NUF2: variants seen among roughly 807,000 people sequenced by gnomAD.
The protein encoded by NUF2 is NUF2 component of NDC80 kinetochore complex, also known as kinetochore protein Nuf2.
NUF2 carries 34 observed loss-of-function variants against 61.8 expected under a neutral mutation model. That is an observed-to-expected ratio of 0.55 (90% CI 0.42 to 0.73). NUF2 has a LOEUF of 0.73. Ranked by LOEUF, NUF2 falls within the 30% of genes least tolerant of loss-of-function variation. NUF2 has a pLI of 0.00. For synonymous variants in NUF2, 172 were observed against 181.6 expected, an observed-to-expected ratio of 0.95 and a Z score of 0.42; for missense variants, 445 against 539.1, an observed-to-expected ratio of 0.83 and a Z score of 1.73.
intron 12 of NUF2, 124 bp downstream of exon 12, chr1:163,348,062 C>A: frequency 3.2e-6 from 2 of 626,258 alleles, no homozygotes; most frequent in Non-Finnish European, 2.6e-6. Flanking sequence ...ATCTTTATTT[C>A]ACCTTTAGTT....
chr1:163,328,749 A>G, intron 4 of NUF2, 97 bp from the exon 5 acceptor site: 1 of 789,928 alleles, frequency 1.3e-6, no homozygotes, highest in Non-Finnish European at 2.2e-6. Flanking sequence ...AAATATATCC[A>G]GAAATCTCTT....
Position 163,328,319 on chromosome 1 carries a change from AT to A in NUF2, c.275+19del. 1 of 1,500,070 alleles carries A rather than the reference AT, an allele frequency of 6.7e-7. No individual in the cohort carries two copies. The highest frequency in any genetic ancestry group is 9.2e-7 in the Non-Finnish European group (1 of 1,084,842). The allele number at this position is 1,500,070 out of a possible 1,614,324, so 92.9% of individuals were successfully genotyped here. On this transcript the variant is annotated intron_variant, in intron 4 of 13. Transcript: ENST00000271452. ...GTTACTCATCTGTGAGTAAAGAGTG[AT>A]TTTATTGTCTTCGTCTACATTCGTA... is the stretch of plus-strand genomic sequence containing the variant.
At chr1:163,328,824 CT>C in intron 4 of NUF2, 21 bp from the exon 5 acceptor site, 1 of 1,508,514 alleles carries the variant, frequency 6.6e-7, no homozygotes, top group Non-Finnish European at 9.2e-7. Flanking sequence ...TTTCAATAGT[CT>C]TTTTGTACTT....
Position 163,355,380 on chromosome 1 carries a change from G to C in NUF2, c.1306G>C (p.Gly436Arg). The stretch of plus-strand genomic sequence containing the variant: ...AACTGCTTTGGAGAAATACCACGAC[G>C]GTATTGAAAAGGCAGCAGAGGACTC... ...LKTALEKYHDGIEKAAEDSYA... is the reference protein window; with the variant it reads ...LKTALEKYHDRIEKAAEDSYA... The change falls in exon 14 of 14, where the codon GGT (glycine) becomes CGT (arginine). Residue 436 changes from glycine to arginine, a missense_variant. Gly to Arg is a moderately radical substitution (Grantham distance 125, BLOSUM62 -2). Coordinates refer to ENST00000271452, the MANE Select transcript of NUF2 (RefSeq NM_145697.3). The C allele has an allele frequency of 1.2e-6, 2 of 1,607,386 alleles. No individual in the cohort carries two copies. Among genetic ancestry groups the C allele is most frequent in the African/African-American group, 1.3e-5 (1 of 74,706 alleles).
chr1:163,336,417 C>G (rs574530750), intron 5 of NUF2, among the ~76,000 whole-genome samples: 4 of 152,188 alleles, frequency 2.6e-5, no homozygotes, highest in Admixed American at 1.3e-4. Context: ...TCATTTGTTT[C>G]TCTTGGAGAT....
intron 7 of NUF2, among the ~76,000 whole-genome samples, chr1:163,338,518 A>T (rs1166339716): frequency 6.6e-6 from 1 of 152,062 alleles, no homozygotes; most frequent in Admixed American, 6.6e-5. Flanking sequence ...TAGGGAAAAG[A>T]ATCACTCAAC....
rs939158124 is a variant in NUF2 at position 163,341,196 on chromosome 1, T to A, written c.669+770T>A. ...TTACATTGAAAAAAAAATCTCATTT[T>A]ATTTGTACTTATTTTATTTTTTAGT... On this transcript the variant is annotated intron_variant, in intron 9 of 13. Transcript: ENST00000271452. 1.2e-4 allele frequency among the ~76,000 whole-genome samples: 18 copies of A among 152,280 alleles called. No homozygotes were observed. In the South Asian group the frequency reaches 1.2e-3, roughly 11 times the overall value.
chr1:163,335,960 C>G (rs1414964854), intron 5 of NUF2, among the ~76,000 whole-genome samples: 1 of 151,984 alleles, frequency 6.6e-6, no homozygotes, highest in Non-Finnish European at 1.5e-5. Flanking sequence ...GCTTTTATTT[C>G]TTCATATTGC....
chr1:163,328,217 A>T lies in NUF2; in HGVS notation c.199-11A>T, dbSNP rs1356704590. ...ATGTGTAATGTCGATTTTGTGGTTT[A>T]TTGCATTTAGATGCCAGTGAACTCT... On this transcript the variant is annotated splice_polypyrimidine_tract_variant and intron_variant, in intron 3 of 13. Transcript: ENST00000271452. 1 of 1,586,444 alleles carries T rather than the reference A, an allele frequency of 6.3e-7. No homozygotes were observed. Among genetic ancestry groups the T allele is most frequent in the South Asian group, 1.1e-5 (1 of 87,384 alleles).
intron 9 of NUF2, among the ~76,000 whole-genome samples, chr1:163,341,204 C>T (rs2999853): frequency 0.9 from 136,246 of 152,172 alleles, 61,722 homozygotes; most frequent in East Asian, 0.98. Flanking sequence ...TTTATTTGTA[C>T]TTATTTTATT....
chr1:163,348,856 A>T, intron 12 of NUF2, 89 bp from the exon 13 acceptor site: 1 of 1,413,368 alleles, frequency 7.1e-7, no homozygotes, highest in Non-Finnish European at 9.7e-7. Context: ...ATACTGACAC[A>T]TGGTCACTTT....
intron 5 of NUF2, among the ~76,000 whole-genome samples, chr1:163,330,517 T>C (rs1164066062): frequency 6.6e-6 from 1 of 152,192 alleles, no homozygotes. Flanking sequence ...TCTTCATCTT[T>C]GTCAAGATTA....
rs138752079 is a variant in NUF2, at chr1:163,340,422, G to A, written c.665G>A (p.Arg222His). 7.5e-6 allele frequency: 12 copies of A among 1,608,212 alleles called. No individual in the cohort carries two copies. In the African/African-American group the frequency reaches 9.4e-5, roughly 13 times the overall value. The change falls in exon 9 of 14, where the codon CGT becomes CAT. Residue 222 changes from arginine to histidine, a missense_variant. Transcript: ENST00000271452. ...TCAAATATTTCAGAGAAAACCAAGC[G>A]TTTGGTAAACATCTTTTCTTTTCAC... ...KKSNISEKTKRLNELKLSVVS... is the reference protein window; with the variant it reads ...KKSNISEKTKHLNELKLSVVS...
chr1:163,352,499 G>A (rs530628787), intron 13 of NUF2, among the ~76,000 whole-genome samples: 2 of 152,210 alleles, frequency 1.3e-5, no homozygotes, highest in Non-Finnish European at 2.9e-5. Context: ...TCTGCTAGGT[G>A]TCAGGCTTCA....
chr1:163,327,917 G>A (rs1650479764), intron 3 of NUF2: 1 of 363,574 alleles, frequency 2.8e-6, no homozygotes, highest in African/African-American at 2.1e-5. Flanking sequence ...CCAAATTAGA[G>A]TAGAAGATAT....
intron 11 of NUF2, among the ~76,000 whole-genome samples, chr1:163,346,964 A>C (rs1651155778): frequency 6.6e-6 from 1 of 152,212 alleles, no homozygotes; most frequent in Non-Finnish European, 1.5e-5. Flanking sequence ...TATTTCTGAT[A>C]CTTTCCATTT....
rs531191375 is a variant in NUF2 at position 163,347,625 on chromosome 1, C to T, written c.949-138C>T. The T allele has an allele frequency of 1.6e-4, 95 of 593,932 alleles. 1 individual carries two copies. Among genetic ancestry groups the T allele is most frequent in the African/African-American group, 1.3e-3 (67 of 51,850 alleles). 36.8% of individuals were successfully genotyped at this position (593,932 alleles called of 1,614,324 possible). On this transcript the variant is annotated intron_variant, in intron 11 of 13. Coordinates refer to ENST00000271452, the MANE Select transcript of NUF2 (RefSeq NM_145697.3). ...TTCTGGTTCATCTGCATTTTTCTGC[C>T]GGACTTTCAGGTTTTAAAGAGTTTT...
intron 6 of NUF2, among the ~76,000 whole-genome samples, chr1:163,337,249 G>C (rs1454482141): frequency 6.6e-6 from 1 of 152,118 alleles, no homozygotes; most frequent in Non-Finnish European, 1.5e-5. Context: ...TAATTGGACT[G>C]TTTGTGGTGG....
rs1273491485 is a variant in NUF2, at chr1:163,347,894, T to TA, written c.1082dup (p.Lys362GlufsTer3). On this transcript the variant is annotated frameshift_variant, in exon 12 of 14. Coordinates refer to ENST00000271452, the MANE Select transcript of NUF2 (RefSeq NM_145697.3). LOFTEE classifies it high-confidence loss of function. ...TTGCCACAGCACAATTCAAAATAAA[T>TA]AAGAAGCATGAAGATGTTAAGCAAT... 1 of 1,606,550 alleles carries TA rather than the reference T, an allele frequency of 6.2e-7. No homozygotes were observed. Among genetic ancestry groups the TA allele is most frequent in the Non-Finnish European group, 8.5e-7 (1 of 1,177,568 alleles).
Sources: allele counts gnomAD v4.1 joint callset (sites outside exome capture counted in the v4.1 genomes callset), GRCh38; gene constraint gnomAD v4.1.1; transcripts MANE v1.5; gene names NCBI Gene and HGNC (gene_info 2026-07-23, HGNC 2026-07-21).